SGCZ: variants seen among roughly 807,000 people sequenced by gnomAD.
SGCZ encodes the protein zeta-sarcoglycan.
A neutral mutation model predicts 41.3 loss-of-function variants in SGCZ; 40 were observed. The observed-to-expected ratio is 0.97, with a 90% CI of 0.75 to 1.26. The LOEUF (loss-of-function observed/expected upper bound fraction) is 1.26. Among genes scored for constraint, SGCZ ranks in the 50% most tolerant of loss-of-function variants. The pLI is 0.00. For missense variants in SGCZ, 552 were observed against 369.8 expected (o/e 1.49, Z -4.04); for synonymous variants, 206 against 137.5 (o/e 1.50, Z -3.49).
intron 1 of SGCZ, among the ~76,000 whole-genome samples, chr8:15,104,957 C>A (rs1806765573): frequency 6.6e-6 from 1 of 152,100 alleles, no homozygotes; most frequent in Non-Finnish European, 1.5e-5. Flanking sequence ...TGAGATAGAG[C>A]CAAACTGTCA....
At chr8:14,472,242 G>A (rs1028274676) in intron 2 of SGCZ, among the ~76,000 whole-genome samples, 9 of 152,014 alleles carry the variant, frequency 5.9e-5, no homozygotes, top group African/African-American at 2.2e-4. Context: ...GGAAAAACAT[G>A]AATCTTGTTT....
At chr8:14,337,294 G>C (rs901556615) in intron 2 of SGCZ, among the ~76,000 whole-genome samples, 3 of 152,108 alleles carry the variant, frequency 2.0e-5, no homozygotes, top group African/African-American at 7.2e-5. Flanking sequence ...ACACAAAGCT[G>C]TGTATGAGTT....
chr8:14,247,688 G>C (rs1188835893), intron 3 of SGCZ, among the ~76,000 whole-genome samples: 1 of 152,124 alleles, frequency 6.6e-6, no homozygotes, highest in Non-Finnish European at 1.5e-5. Flanking sequence ...TCTATGTTGG[G>C]TTGCCACTTT....
intron 1 of SGCZ, among the ~76,000 whole-genome samples, chr8:15,072,555 G>A (rs1409765793): frequency 1.3e-5 from 2 of 152,138 alleles, no homozygotes; most frequent in African/African-American, 2.4e-5. Context: ...ACATATCAAT[G>A]TTGTTGCTTT....
chr8:15,076,315 A>C (rs1805529012), intron 1 of SGCZ, among the ~76,000 whole-genome samples: 1 of 152,174 alleles, frequency 6.6e-6, no homozygotes. Context: ...TGATATGGGT[A>C]AACACAGAGG....
intron 1 of SGCZ, among the ~76,000 whole-genome samples, chr8:14,940,463 C>A (rs1167021877): frequency 6.6e-6 from 1 of 152,042 alleles, no homozygotes; most frequent in African/African-American, 2.4e-5. Context: ...AAATATACAA[C>A]AATATCATTA....
At chr8:14,725,484 T>A (rs546161963) in intron 1 of SGCZ, among the ~76,000 whole-genome samples, 1 of 152,194 alleles carries the variant, frequency 6.6e-6, no homozygotes, top group Non-Finnish European at 1.5e-5. Flanking sequence ...CTCGGTAGCA[T>A]CTGTTATTTT....
At chr8:14,698,870 T>A (rs1475862207) in intron 1 of SGCZ, among the ~76,000 whole-genome samples, 2 of 151,902 alleles carry the variant, frequency 1.3e-5, no homozygotes, top group Admixed American at 6.6e-5. Context: ...CCTCATCCAC[T>A]ATGGGGTAGA....
chr8:14,897,404 G>T (rs1372835856), intron 1 of SGCZ, among the ~76,000 whole-genome samples: 3 of 152,112 alleles, frequency 2.0e-5, no homozygotes, highest in African/African-American at 4.8e-5. Flanking sequence ...GGCTTGTAAC[G>T]TTTAGCCCTT....
intron 3 of SGCZ, among the ~76,000 whole-genome samples, chr8:14,250,385 T>A (rs1799244233): frequency 6.6e-6 from 1 of 152,192 alleles, no homozygotes; most frequent in Non-Finnish European, 1.5e-5. Context: ...TGTCGAAATT[T>A]TTTTTTAAAG....
At chr8:14,467,545 T>C (rs59918016) in intron 2 of SGCZ, among the ~76,000 whole-genome samples, 3,220 of 152,162 alleles carry the variant, frequency 0.021, 136 homozygotes, top group African/African-American at 0.074. Context: ...CTGAGATGGG[T>C]AGTTGCTACT....
At chr8:14,341,974 G>C (rs1802726685) in intron 2 of SGCZ, among the ~76,000 whole-genome samples, 1 of 152,154 alleles carries the variant, frequency 6.6e-6, no homozygotes, top group Non-Finnish European at 1.5e-5. Flanking sequence ...ATGTGGTGTT[G>C]TTGAAAAGAT....
rs1563117468 is a variant in SGCZ, at chr8:14,087,717, A to ATTTT, written c.*2725_*2726insAAAA. ...AATTAAGGGACCACTATATTTTTAA[A>ATTTT]AAAAAAAAAATGCTTTTTTGTGTTT... On this transcript the variant is annotated 3_prime_UTR_variant, in exon 8 of 8. Coordinates refer to ENST00000382080, the MANE Select transcript of SGCZ (RefSeq NM_139167.4). Among the ~76,000 whole-genome samples the ATTTT allele has an allele frequency of 0.02, 2,947 of 149,516 alleles. 87 individuals carry two copies. Among genetic ancestry groups the ATTTT allele is most frequent in the African/African-American group, 0.067 (2,677 of 39,760 alleles).
chr8:15,005,546 G>A (rs749723494), intron 1 of SGCZ, among the ~76,000 whole-genome samples: 1 of 138,056 alleles, frequency 7.2e-6, no homozygotes, highest in Non-Finnish European at 1.6e-5. Context: ...CGTTAGGCTG[G>A]TCTCGAACTC....
At chr8:15,219,088 T>A (rs1484110653) in intron 1 of SGCZ, among the ~76,000 whole-genome samples, 1 of 152,216 alleles carries the variant, frequency 6.6e-6, no homozygotes, top group African/African-American at 2.4e-5. Flanking sequence ...GCTTTTCTAC[T>A]CAAATCAAAT....
chr8:14,906,768 T>C (rs1799130957), intron 1 of SGCZ, among the ~76,000 whole-genome samples: 1 of 152,190 alleles, frequency 6.6e-6, no homozygotes, highest in East Asian at 1.9e-4. Flanking sequence ...AATGAGATGC[T>C]TACAGTCCTG....
At chr8:14,991,361 T>C (rs1802008715) in intron 1 of SGCZ, among the ~76,000 whole-genome samples, 1 of 152,176 alleles carries the variant, frequency 6.6e-6, no homozygotes, top group African/African-American at 2.4e-5. Flanking sequence ...TTAGGCTCAC[T>C]TCTGACCTAT....
At chr8:14,703,548 G>C (rs1809236441) in intron 1 of SGCZ, among the ~76,000 whole-genome samples, 1 of 151,868 alleles carries the variant, frequency 6.6e-6, no homozygotes, top group Admixed American at 6.6e-5. Flanking sequence ...TTTCATGCCA[G>C]CTACACAAGG....
intron 1 of SGCZ, among the ~76,000 whole-genome samples, chr8:14,780,083 G>A (rs1585253925): frequency 2.0e-5 from 3 of 151,776 alleles, no homozygotes; most frequent in Admixed American, 6.6e-5. Context: ...AATGAACATA[G>A]AAAAATACGG....
Sources: gnomAD v4.1 joint callset for allele counts (sites outside exome capture counted in the v4.1 genomes callset) on GRCh38, gnomAD v4.1.1 for gene constraint, MANE v1.5 for transcripts, NCBI Gene and HGNC (gene_info 2026-07-23, HGNC 2026-07-21) for gene names.